The following WDFY4 variants were observed in gnomAD, a reference collection of about 807,000 sequenced individuals.
The protein encoded by WDFY4 is WD repeat- and FYVE domain-containing protein 4.
WDFY4 carries 169 observed loss-of-function variants against 351.9 expected under a neutral mutation model. The ratio of observed to expected loss-of-function variants is 0.48; its 90% confidence interval spans 0.42 to 0.55. The LOEUF is 0.55. Among genes scored for constraint, WDFY4 ranks in the 20% least tolerant of loss-of-function variants. The pLI is 0.00. For synonymous variants in WDFY4, 1,622 were observed against 1,574.6 expected, an observed-to-expected ratio of 1.03 and a Z score of -0.71; for missense variants, 3,803 against 3,935.6, an observed-to-expected ratio of 0.97 and a Z score of 0.90.
chr10:48,743,696 A>C, intron 12 of WDFY4, 148 bp downstream of exon 12: 1 of 943,670 alleles, frequency 1.1e-6, no homozygotes, highest in Non-Finnish European at 1.5e-6. Flanking sequence ...AAATCAAGTT[A>C]GCTCTGACTC....
chr10:48,803,160 C>A, intron 24 of WDFY4, 126 bp from the exon 25 acceptor site: 1 of 880,556 alleles, frequency 1.1e-6, no homozygotes, highest in Non-Finnish European at 1.8e-6. Context: ...GATTCCAGAG[C>A]TGGTACATCA....
chr10:48,900,194 A>G lies in WDFY4; in HGVS notation c.7438-27A>G, dbSNP rs764834181. The G allele has an allele frequency of 8.4e-6, 13 of 1,544,758 alleles. 1 individual carries two copies. In the South Asian group the frequency reaches 1.6e-4, roughly 19 times the overall value. ...CGTCTCTAGTCCACAAAATATCAGGAGCATTAAAAGGGGCTTCTCTTCACA... is the reference window on the plus strand; with the variant it reads ...CGTCTCTAGTCCACAAAATATCAGGGGCATTAAAAGGGGCTTCTCTTCACA... On this transcript the variant is annotated intron_variant, in intron 45 of 61. Coordinates refer to ENST00000325239, the MANE Select transcript of WDFY4 (RefSeq NM_001394531.1).
intron 40 of WDFY4, among the ~76,000 whole-genome samples, chr10:48,867,793 C>T (rs2069605489): frequency 6.6e-6 from 1 of 152,182 alleles, no homozygotes; most frequent in Admixed American, 6.5e-5. Context: ...TTTGGTGTTA[C>T]TGTTATTAAT....
At chr10:48,858,432 C>T (rs866348378) in intron 39 of WDFY4, among the ~76,000 whole-genome samples, 1 of 152,184 alleles carries the variant, frequency 6.6e-6, no homozygotes. Context: ...GGGCAATGGA[C>T]ATCCAATTGC....
rs1355290363 is a variant in WDFY4 at position 48,729,531 on chromosome 10, G to A, written c.1071G>A (p.Val357=). The change falls in exon 8 of 62, where the codon GTG becomes GTA. Residue 357 remains valine, a synonymous_variant. Transcript: ENST00000325239. ...CCTGTGGGAGGTCAGAGCTGAAGGTGTTTGACAGCATCACTTACCCTCAGC... is the reference window on the plus strand; with the variant it reads ...CCTGTGGGAGGTCAGAGCTGAAGGTATTTGACAGCATCACTTACCCTCAGC... ...LTTCGRSELK[V]FDSITYPQLE... 11 of 1,551,628 alleles carry A rather than the reference G, an allele frequency of 7.1e-6. No individual in the cohort carries two copies. The Admixed American group carries it at 2.2e-4, about 30-fold the overall frequency.
intron 28 of WDFY4, among the ~76,000 whole-genome samples, chr10:48,810,082 C>T (rs1308400850): frequency 6.6e-6 from 1 of 152,100 alleles, no homozygotes; most frequent in African/African-American, 2.4e-5. Flanking sequence ...GATAAAAATG[C>T]ATAAATATTG....
At chr10:48,964,189 A>G in intron 54 of WDFY4, 135 bp downstream of exon 54, 1 of 1,000,988 alleles carries the variant, frequency 1.0e-6, no homozygotes, top group Non-Finnish European at 1.5e-6. Flanking sequence ...TGTGCTTTCA[A>G]TATCAGGCTT....
chr10:48,874,405 C>G (rs368104293), intron 41 of WDFY4, among the ~76,000 whole-genome samples: 1 of 152,296 alleles, frequency 6.6e-6, no homozygotes, highest in Non-Finnish European at 1.5e-5. Context: ...TCCTCAAAGG[C>G]GGCCTTCCAA....
intron 1 of WDFY4, among the ~76,000 whole-genome samples, chr10:48,688,265 CT>C (rs1476920207): frequency 6.6e-6 from 1 of 152,184 alleles, no homozygotes; most frequent in Non-Finnish European, 1.5e-5. Context: ...CCTCCCCATT[CT>C]TTTCTTCTTC....
chr10:48,976,172 C>A (rs1405820688), intron 58 of WDFY4, among the ~76,000 whole-genome samples: 1 of 152,214 alleles, frequency 6.6e-6, no homozygotes, highest in Non-Finnish European at 1.5e-5. Flanking sequence ...GCACTGAGCA[C>A]CCTACATCCC....
intron 12 of WDFY4, among the ~76,000 whole-genome samples, chr10:48,748,366 A>G (rs941559734): frequency 6.6e-6 from 1 of 152,230 alleles, no homozygotes; most frequent in African/African-American, 2.4e-5. Flanking sequence ...AAACATGGCC[A>G]AAGGTCACAC....
At chr10:48,706,020 A>G (rs1029696981) in intron 1 of WDFY4, among the ~76,000 whole-genome samples, 4 of 152,202 alleles carry the variant, frequency 2.6e-5, no homozygotes, top group African/African-American at 7.2e-5. Context: ...GGCTGGCTCT[A>G]TTGGTGCTAG....
rs762400029 is a variant in WDFY4 at position 48,810,575 on chromosome 10, G to A, written c.4884G>A (p.Leu1628=). 8 of 1,551,702 alleles carry A rather than the reference G, an allele frequency of 5.2e-6. No individual in the cohort carries two copies. In the South Asian group the frequency reaches 9.5e-5, roughly 18 times the overall value. Residue 1628 remains leucine, a synonymous_variant, in exon 29 of 62, where the codon CTG becomes CTA. Coordinates refer to ENST00000325239, the MANE Select transcript of WDFY4 (RefSeq NM_001394531.1). ...TGAAACTGGGGCCTGACTGGTTCCTGCTGCTCCTGCAGGGCCACCTGCATG... is the reference window on the plus strand; with the variant it reads ...TGAAACTGGGGCCTGACTGGTTCCTACTGCTCCTGCAGGGCCACCTGCATG... The part of the protein sequence containing the change: ...MFLKLGPDWF[L]LLLQGHLHAS...
intron 49 of WDFY4, among the ~76,000 whole-genome samples, chr10:48,945,114 G>A (rs1027766532): frequency 5.3e-5 from 8 of 152,220 alleles, no homozygotes; most frequent in Non-Finnish European, 7.3e-5. Flanking sequence ...AGTGGCTTAT[G>A]TCTGTAATCC....
At chr10:48,720,658 A>G (rs1359363631) in intron 3 of WDFY4, among the ~76,000 whole-genome samples, 2 of 152,160 alleles carry the variant, frequency 1.3e-5, no homozygotes, top group Non-Finnish European at 2.9e-5. Flanking sequence ...ACACAGACAC[A>G]CACACAGAAC....
intron 1 of WDFY4, among the ~76,000 whole-genome samples, chr10:48,705,127 C>T (rs1032691164): frequency 6.6e-6 from 1 of 152,192 alleles, no homozygotes; most frequent in Admixed American, 6.5e-5. Flanking sequence ...AGCCAAGGTC[C>T]AGACGTGGTG....
chr10:48,878,913 A>C (rs1043086612), intron 43 of WDFY4, among the ~76,000 whole-genome samples: 1 of 152,256 alleles, frequency 6.6e-6, no homozygotes, highest in Non-Finnish European at 1.5e-5. Context: ...TGCTAAATTC[A>C]TGTGCATTTT....
At chr10:48,881,823 G>T (rs1421792722) in intron 43 of WDFY4, among the ~76,000 whole-genome samples, 2 of 152,076 alleles carry the variant, frequency 1.3e-5, no homozygotes, top group South Asian at 2.1e-4. Context: ...ATTCACTCTT[G>T]TCTCCCAGCC....
chr10:48,970,363 G>T, intron 57 of WDFY4, 74 bp downstream of exon 57: 5 of 1,506,920 alleles, frequency 3.3e-6, no homozygotes, highest in Middle Eastern at 1.7e-4. Flanking sequence ...CCTCTGCCTG[G>T]CATGGCACCT....
Sources: gnomAD v4.1 joint callset for allele counts (sites outside exome capture counted in the v4.1 genomes callset) on GRCh38, gnomAD v4.1.1 for gene constraint, MANE v1.5 for transcripts, NCBI Gene and HGNC (gene_info 2026-07-23, HGNC 2026-07-21) for gene names.